The following IGSF21 variants were observed in gnomAD, a reference collection of about 807,000 sequenced individuals.
The protein encoded by IGSF21 is immunoglobin superfamily member 21.
Under a neutral mutation model 46.8 loss-of-function variants are expected in IGSF21, and 28 were observed. The ratio of observed to expected loss-of-function variants is 0.60; its 90% CI spans 0.44 to 0.82. The LOEUF (loss-of-function observed/expected upper bound fraction) is 0.82. IGSF21 is among the 40% of genes least tolerant of loss of function. The probability of loss-of-function intolerance (pLI) is 0.00; values close to 1 mark genes in which losing one functional copy is unlikely to be tolerated. For synonymous variants in IGSF21, 284 were observed against 273.6 expected, an observed-to-expected ratio of 1.04 and a Z score of -0.38; for missense variants, 624 against 665.5, an observed-to-expected ratio of 0.94 and a Z score of 0.69.
intron 6 of IGSF21, chr1:18,375,957 C>T: frequency 4.4e-6 from 1 of 225,392 alleles, no homozygotes; most frequent in South Asian, 6.7e-5. Context: ...CCCTCCCTGA[C>T]CCCACTGTCC....
chr1:18,208,775 A>G (rs4920307), intron 1 of IGSF21, among the ~76,000 whole-genome samples: 146,346 of 152,058 alleles, frequency 0.96, 70,659 homozygotes, highest in East Asian at 1. Flanking sequence ...TCAATAGTAC[A>G]TGGAAGGAAT....
intron 4 of IGSF21, among the ~76,000 whole-genome samples, chr1:18,344,315 T>C (rs1188240192): frequency 6.6e-6 from 1 of 152,168 alleles, no homozygotes; most frequent in Non-Finnish European, 1.5e-5. Flanking sequence ...ACTATAGGTG[T>C]GTGCCACCAT....
chr1:18,274,961 A>G (rs1453196744), intron 2 of IGSF21, among the ~76,000 whole-genome samples: 1 of 152,182 alleles, frequency 6.6e-6, no homozygotes, highest in African/African-American at 2.4e-5. Flanking sequence ...TGGGAGACAG[A>G]GGTTGTAGTA....
At chr1:18,260,266 G>A (rs2084934288) in intron 2 of IGSF21, among the ~76,000 whole-genome samples, 1 of 152,244 alleles carries the variant, frequency 6.6e-6, no homozygotes, top group South Asian at 2.1e-4. Flanking sequence ...GCTGGTCCAG[G>A]GGCCAAGGCC....
At chr1:18,249,892 T>A (rs916742087) in intron 2 of IGSF21, among the ~76,000 whole-genome samples, 4 of 152,170 alleles carry the variant, frequency 2.6e-5, no homozygotes, top group Admixed American at 2.0e-4. Context: ...CATTTCCTGC[T>A]GCCAGGGGAG....
chr1:18,146,011 G>A (rs1041769152), intron 1 of IGSF21, among the ~76,000 whole-genome samples: 5 of 152,124 alleles, frequency 3.3e-5, no homozygotes, highest in Admixed American at 1.3e-4. Context: ...TGAAGAGTGG[G>A]CTTGGCACTG....
intron 3 of IGSF21, among the ~76,000 whole-genome samples, chr1:18,321,540 A>T (rs1429853256): frequency 6.6e-6 from 1 of 152,082 alleles, no homozygotes; most frequent in Non-Finnish European, 1.5e-5. Flanking sequence ...AGCTCTGGAG[A>T]CCGGGAAGCC....
In IGSF21 at chr1:18,291,000, G is replaced by A. The variant is rs764279251; in HGVS notation, c.184-866G>A. Among the ~76,000 whole-genome samples, 39 of 152,288 alleles carry A rather than the reference G, an allele frequency of 2.6e-4. No homozygotes were observed. The highest frequency in any genetic ancestry group is 1.6e-3 in the East Asian group (8 of 5,158). The stretch of plus-strand genomic sequence containing the variant: ...CTATAATAGAGTTGCTGAGACAAGC[G>A]GAAAAACTGCAGCCGAGTAAACAGA... On this transcript the variant is annotated intron_variant, in intron 2 of 9. Transcript: ENST00000251296. This position sits in a 1 kb window ranked among gnomAD's most constrained non-coding sequence, Gnocchi z 4.2.
At chr1:18,134,695 C>T (rs899587969) in intron 1 of IGSF21, among the ~76,000 whole-genome samples, 2 of 152,166 alleles carry the variant, frequency 1.3e-5, no homozygotes, top group African/African-American at 4.8e-5. Flanking sequence ...CCTGTCCAGC[C>T]CACACCTTCA....
chr1:18,378,368 A>G lies in IGSF21; in HGVS notation c.*42A>G, dbSNP rs1043459. 0.46 allele frequency: 688,569 copies of G among 1,505,248 alleles called. 163,095 individuals are homozygous for G. The highest frequency in any genetic ancestry group is 0.72 in the African/African-American group (52,545 of 72,724). The allele number at this position is 1,505,248 out of a possible 1,614,324, so 93.2% of individuals were successfully genotyped here. A position where few individuals can be genotyped will look rare whatever the true frequency, so the allele number is the denominator to read the frequency against. Reference sequence around the variant, plus strand: ...CACTCCATCAGGCACTGACATCTCCACGACCGGTTTTCATTTCTTTTCTAA... The same window carrying G: ...CACTCCATCAGGCACTGACATCTCCGCGACCGGTTTTCATTTCTTTTCTAA... On this transcript the variant is annotated 3_prime_UTR_variant, in exon 10 of 10. Coordinates refer to ENST00000251296, the MANE Select transcript of IGSF21 (RefSeq NM_032880.5).
intron 1 of IGSF21, among the ~76,000 whole-genome samples, chr1:18,152,860 T>C (rs998150347): frequency 1.3e-5 from 2 of 152,186 alleles, no homozygotes; most frequent in African/African-American, 4.8e-5. Context: ...AGTAGCTGTG[T>C]AAGTCTGAAC....
chr1:18,293,772 C>T (rs1020872358), intron 3 of IGSF21, among the ~76,000 whole-genome samples: 2 of 152,196 alleles, frequency 1.3e-5, no homozygotes, highest in African/African-American at 2.4e-5. Context: ...CCACCCCTGC[C>T]GGTCACTGTG....
chr1:18,227,373 G>T (rs1420186490), intron 1 of IGSF21, among the ~76,000 whole-genome samples: 1 of 152,032 alleles, frequency 6.6e-6, no homozygotes, highest in Non-Finnish European at 1.5e-5. Context: ...GGCTGCGTAG[G>T]ATGGTGGTGG....
At chr1:18,294,699 C>T (rs564300107) in intron 3 of IGSF21, among the ~76,000 whole-genome samples, 37 of 152,344 alleles carry the variant, frequency 2.4e-4, no homozygotes, top group Admixed American at 3.9e-4. Context: ...GCCTCAGTAA[C>T]AGGGGCGGTC....
chr1:18,112,691 A>G (rs2086154178), intron 1 of IGSF21: 2 of 152,372 alleles, frequency 1.3e-5, no homozygotes, highest in Admixed American at 1.3e-4. Context: ...GGATGTGTCC[A>G]GTCTCCTGTC....
intron 2 of IGSF21, among the ~76,000 whole-genome samples, chr1:18,235,207 G>A (rs144320487): frequency 1.3e-5 from 2 of 152,274 alleles, no homozygotes; most frequent in Non-Finnish European, 2.9e-5. Flanking sequence ...ACCCAGCCAC[G>A]GAGCATGTCA....
intron 1 of IGSF21, chr1:18,110,244 G>C (rs974495997): frequency 6.6e-6 from 1 of 152,292 alleles, no homozygotes. Flanking sequence ...CTGGGGCGCA[G>C]AGGGAGATCC....
chr1:18,239,868 A>G (rs947780821), intron 2 of IGSF21, among the ~76,000 whole-genome samples: 1 of 152,072 alleles, frequency 6.6e-6, no homozygotes, highest in Non-Finnish European at 1.5e-5. Context: ...CTCTCAAAAT[A>G]CTAAGCACGT....
chr1:18,274,400 T>A (rs2085080418), intron 2 of IGSF21, among the ~76,000 whole-genome samples: 1 of 152,164 alleles, frequency 6.6e-6, no homozygotes, highest in Admixed American at 6.5e-5. Flanking sequence ...TTGACCTGAG[T>A]CGCAAAGAAT....
Sources: gnomAD v4.1 joint callset for allele counts (sites outside exome capture counted in the v4.1 genomes callset) on GRCh38, gnomAD v4.1.1 for gene constraint, Gnocchi (gnomAD v3.1) non-coding constraint, MANE v1.5 for transcripts, NCBI Gene and HGNC (gene_info 2026-07-23, HGNC 2026-07-21) for gene names.